ATXN2: variants seen among roughly 807,000 people sequenced by gnomAD.
ATXN2 encodes ataxin 2, also known as ataxin-2.
ATXN2 carries 37 observed loss-of-function variants against 138.6 expected under a neutral mutation model. The ratio of observed to expected loss-of-function variants is 0.27; its 90% CI spans 0.21 to 0.35. ATXN2 has a LOEUF of 0.35. Ranked by LOEUF, ATXN2 falls within the 10% of genes least tolerant of loss-of-function variation. The pLI, the probability that ATXN2 is intolerant of heterozygous loss-of-function variation, is 1.00. For synonymous variants in ATXN2, 549 were observed against 543.7 expected (o/e 1.01, Z -0.13); for missense variants, 1,216 against 1,480.3 (o/e 0.82, Z 2.93).
upstream of ATXN2, chr12:111,599,372 C>T (rs1216505971): frequency 1.5e-5 from 18 of 1,161,636 alleles, no homozygotes; most frequent in Admixed American, 1.9e-4. Flanking sequence ...GGGATACGGT[C>T]CCGGGGCCGC....
chr12:111,591,665 G>A (rs1307549611), intron 1 of ATXN2, among the ~76,000 whole-genome samples: 1 of 152,106 alleles, frequency 6.6e-6, no homozygotes. Flanking sequence ...AGGGAGAGGT[G>A]TAATAAAATC....
intron 5 of ATXN2, among the ~76,000 whole-genome samples, chr12:111,546,557 A>T (rs1268105728): frequency 6.6e-6 from 1 of 152,242 alleles, no homozygotes; most frequent in Non-Finnish European, 1.5e-5. Flanking sequence ...TATGAGGAAC[A>T]ATGGAATAAG....
At chr12:111,497,153 T>A (rs2135713205) in intron 14 of ATXN2, among the ~76,000 whole-genome samples, 1 of 152,170 alleles carries the variant, frequency 6.6e-6, no homozygotes, top group Admixed American at 6.5e-5. Context: ...CTACCAAGAC[T>A]GAACCACAAA....
chr12:111,575,703 T>TA (rs1883599781), intron 1 of ATXN2, among the ~76,000 whole-genome samples: 1 of 151,522 alleles, frequency 6.6e-6, no homozygotes, highest in Non-Finnish European at 1.5e-5. Flanking sequence ...ACTCCAAAAA[T>TA]AAAAAAAGGG....
rs34646187 is a variant in ATXN2 at position 111,588,188 on chromosome 12, A to AAAATAAATAAATAAAT, written c.251+10580_251+10595dup. On this transcript the variant is annotated intron_variant, in intron 1 of 24. Transcript: ENST00000673436. ...AGCAACAGAGCCAGATCCTATCACAAAAATAAATAAATAAATAAATAAATA... is the reference window on the plus strand; with the variant it reads ...AGCAACAGAGCCAGATCCTATCACAAAAATAAATAAATAAATAAATAAATAAATAAATAAATAAATA... Among the ~76,000 whole-genome samples the AAAATAAATAAATAAAT allele has an allele frequency of 6.3e-3, 937 of 148,994 alleles. 9 individuals are homozygous for AAAATAAATAAATAAAT. Among genetic ancestry groups the AAAATAAATAAATAAAT allele is most frequent in the African/African-American group, 0.022 (880 of 39,610 alleles).
At chr12:111,581,390 T>C (rs1312692814) in intron 1 of ATXN2, 5 of 680,510 alleles carry the variant, frequency 7.3e-6, no homozygotes, top group Admixed American at 3.6e-5. Context: ...TGAACCACAA[T>C]GTCCAAACCT....
chr12:111,498,917 C>T (rs1028175878), intron 14 of ATXN2, among the ~76,000 whole-genome samples: 1 of 152,066 alleles, frequency 6.6e-6, no homozygotes, highest in Non-Finnish European at 1.5e-5. Flanking sequence ...AACTCATTTT[C>T]CACAAAGAAG....
intron 1 of ATXN2, among the ~76,000 whole-genome samples, chr12:111,577,964 G>A (rs535275191): frequency 4.5e-4 from 68 of 152,154 alleles, no homozygotes; most frequent in African/African-American, 1.5e-3. Context: ...GGGAGGCCAC[G>A]GCGGGTGGAT....
At chr12:111,540,523 GA>G (rs1881439156) in intron 5 of ATXN2, among the ~76,000 whole-genome samples, 3 of 150,422 alleles carry the variant, frequency 2.0e-5, no homozygotes, top group African/African-American at 7.3e-5. Flanking sequence ...CTTTAAAACT[GA>G]ATTTCTTTAA....
At chr12:111,468,327 G>T (rs897923572) in intron 20 of ATXN2, 5 of 152,024 alleles carry the variant, frequency 3.3e-5, no homozygotes, top group African/African-American at 1.2e-4. Context: ...ATTACGGATG[G>T]GCCTCTTGAA....
intron 1 of ATXN2, among the ~76,000 whole-genome samples, chr12:111,561,262 G>C (rs1340436271): frequency 6.6e-6 from 1 of 151,970 alleles, no homozygotes; most frequent in African/African-American, 2.4e-5. Context: ...GGGAGGCCAA[G>C]GCAGGTGGAT....
rs1008024176 is a variant in ATXN2, at chr12:111,552,023, G to A, written c.571+257C>T. ...CTCCCTAGTAGCTAGGACTATAGGC[G>A]CACGCCACCACACACAAAAATAAAT... is the stretch of plus-strand genomic sequence containing the variant. On this transcript the variant is annotated intron_variant, in intron 5 of 24. Coordinates refer to ENST00000673436, the MANE Select transcript of ATXN2 (RefSeq NM_001372574.1). The surrounding 1 kb of genome is among the most constrained non-coding windows in gnomAD (Gnocchi z 4.1). 2.6e-5 allele frequency among the ~76,000 whole-genome samples: 4 copies of A among 151,644 alleles called. No individual in the cohort carries two copies. The highest frequency in any genetic ancestry group is 7.3e-5 in the African/African-American group (3 of 41,256).
At position 111,516,429 on chromosome 12, in the gene ATXN2, AC is replaced by A; in HGVS notation, c.1166-67del. On this transcript the variant is annotated intron_variant, in intron 9 of 24. Transcript: ENST00000673436. The surrounding 1 kb of genome is among the most constrained non-coding windows in gnomAD (Gnocchi z 5.0). Reference sequence around the variant, plus strand: ...AGAAAAAAATGAGGGAAAAAAGTAAACAGAAAAAAAGTAAAATGACAAAAAT... The same window carrying A: ...AGAAAAAAATGAGGGAAAAAAGTAAAAGAAAAAAAGTAAAATGACAAAAAT... The A allele has an allele frequency of 7.1e-7, 1 of 1,400,814 alleles. No individual in the cohort carries two copies. Among genetic ancestry groups the A allele is most frequent in the African/African-American group, 1.5e-5 (1 of 67,798 alleles). The allele number at this position is 1,400,814 out of a possible 1,614,324, so 86.8% of individuals were successfully genotyped here. A position where few individuals can be genotyped will look rare whatever the true frequency, so the allele number is the denominator to read the frequency against.
At chr12:111,510,055 A>C in intron 12 of ATXN2, 57 bp from the exon 13 acceptor site, 1 of 1,202,752 alleles carries the variant, frequency 8.3e-7, no homozygotes, top group Non-Finnish European at 1.2e-6. Context: ...AAACAAGAAA[A>C]CACTGAACAA....
intron 21 of ATXN2, among the ~76,000 whole-genome samples, chr12:111,462,227 A>G (rs1274421948): frequency 1.3e-5 from 2 of 152,256 alleles, no homozygotes; most frequent in Non-Finnish European, 2.9e-5. Context: ...GACCTAGTCC[A>G]GAAGTTTCCC....
At position 111,552,543 on chromosome 12, in the gene ATXN2, C is replaced by A; in HGVS notation, c.421-113G>T. ...TATATGCCTTTGACAAAAATAATCT[C>A]AAGAGAATCATACCCTTTTTCCCAG... On this transcript the variant is annotated intron_variant, in intron 4 of 24. Coordinates refer to ENST00000673436, the MANE Select transcript of ATXN2 (RefSeq NM_001372574.1). This position sits in a 1 kb window ranked among gnomAD's most constrained non-coding sequence, Gnocchi z 4.1. 1 of 1,063,756 alleles carries A rather than the reference C, an allele frequency of 9.4e-7. No homozygotes were observed. Among genetic ancestry groups the A allele is most frequent in the Non-Finnish European group, 1.3e-6 (1 of 762,406 alleles). The allele number at this position is 1,063,756 out of a possible 1,614,324, so 65.9% of individuals were successfully genotyped here.
At chr12:111,580,311 T>C (rs1301833920) in intron 1 of ATXN2, among the ~76,000 whole-genome samples, 1 of 151,636 alleles carries the variant, frequency 6.6e-6, no homozygotes, top group Non-Finnish European at 1.5e-5. Context: ...CAAGATCCTA[T>C]CTCCGAAAAA....
intron 5 of ATXN2, among the ~76,000 whole-genome samples, chr12:111,529,567 CCTT>C (rs1007905939): frequency 6.6e-6 from 1 of 152,200 alleles, no homozygotes; most frequent in Non-Finnish European, 1.5e-5. Flanking sequence ...GCTCTCAACA[CCTT>C]CTCTTCTGAT....
intron 1 of ATXN2, among the ~76,000 whole-genome samples, chr12:111,576,107 T>C (rs1883627961): frequency 7.4e-6 from 1 of 135,144 alleles, no homozygotes; most frequent in South Asian, 2.2e-4. Flanking sequence ...TAACATAACA[T>C]AACATAACAT....
Sources: gnomAD v4.1 joint callset for allele counts (sites outside exome capture counted in the v4.1 genomes callset) on GRCh38, gnomAD v4.1.1 for gene constraint, Gnocchi (gnomAD v3.1) non-coding constraint, MANE v1.5 for transcripts, NCBI Gene and HGNC (gene_info 2026-07-23, HGNC 2026-07-21) for gene names.